The following ANXA10 variants were observed in gnomAD, a reference collection of about 807,000 sequenced individuals.
ANXA10 encodes annexin 14.
ANXA10 carries 49 observed loss-of-function variants against 53.5 expected under a neutral mutation model. The ratio of observed to expected loss-of-function variants is 0.92; its 90% CI spans 0.73 to 1.16. The LOEUF (loss-of-function observed/expected upper bound fraction) is 1.16, where lower values mean the gene tolerates loss of function less well. ANXA10 is among the 50% of genes most tolerant of loss of function. The probability of loss-of-function intolerance (pLI) is 0.00; values close to 1 mark genes in which losing one functional copy is unlikely to be tolerated. For synonymous variants in ANXA10, 131 were observed against 128.9 expected (o/e 1.02, Z -0.11); for missense variants, 393 against 394.4 (o/e 1.00, Z 0.03).
chr4:168,157,360 C>A (rs2149476358), intron 3 of ANXA10, among the ~76,000 whole-genome samples: 1 of 152,158 alleles, frequency 6.6e-6, no homozygotes, highest in South Asian at 2.1e-4. Flanking sequence ...CTCCGCCACC[C>A]AGGTTCCAGT....
intron 3 of ANXA10, among the ~76,000 whole-genome samples, chr4:168,158,418 T>C (rs184057863): frequency 1.4e-3 from 220 of 152,340 alleles, no homozygotes; most frequent in African/African-American, 5.1e-3. Context: ...TTTAAGGTTT[T>C]TATTTCAAAG....
At chr4:168,165,874 A>G (rs113298123) in intron 6 of ANXA10, among the ~76,000 whole-genome samples, 2 of 152,124 alleles carry the variant, frequency 1.3e-5, no homozygotes, top group East Asian at 3.9e-4. Context: ...ATGGGGTTTC[A>G]CCATGTTGGC....
In ANXA10 at chr4:168,179,221, C is replaced by G. The variant is rs779654853; in HGVS notation, c.633C>G (p.Phe211Leu). Residue 211 changes from phenylalanine (F) to leucine (L), a missense_variant, in exon 9 of 12, where the codon TTC becomes TTG. Coordinates refer to ENST00000359299, the MANE Select transcript of ANXA10 (RefSeq NM_007193.5). ...AATTACATCAATTTGTTAAAGTTTT[C>G]CAGGAATTTCAAAATATTTCTGGGC... ...NKSYQQLRLV[F>L]QEFQNISGQD... 6 of 1,598,696 alleles carry G rather than the reference C, an allele frequency of 3.8e-6. No individual in the cohort carries two copies. Among genetic ancestry groups the G allele is most frequent in the Non-Finnish European group, 4.3e-6 (5 of 1,169,330 alleles).
rs562902943 is a variant in ANXA10, at chr4:168,144,250, G to A, written c.195+4670G>A. 5.1e-4 allele frequency among the ~76,000 whole-genome samples: 78 copies of A among 151,982 alleles called. No homozygotes were observed. The South Asian group carries it at 0.013, about 25-fold the overall frequency. On this transcript the variant is annotated intron_variant, in intron 3 of 11. Coordinates refer to ENST00000359299, the MANE Select transcript of ANXA10 (RefSeq NM_007193.5). ...CACCCAGGCTGGAGTGCACTGCCGC[G>A]CTCTCAGCTCACTGCAACCTCCACC...
At chr4:168,098,107 C>T (rs1730581303) in intron 1 of ANXA10, among the ~76,000 whole-genome samples, 1 of 150,524 alleles carries the variant, frequency 6.6e-6, no homozygotes, top group Non-Finnish European at 1.5e-5. Flanking sequence ...AAATCTAAGG[C>T]ACTCTTGAAA....
rs1415857024 is a variant in ANXA10, at chr4:168,147,433, A to G, written c.195+7853A>G. Among the ~76,000 whole-genome samples, 8 of 152,162 alleles carry G rather than the reference A, an allele frequency of 5.3e-5. 1 individual carries two copies. The highest frequency in any genetic ancestry group is 3.9e-4 in the Admixed American group (6 of 15,276). On this transcript the variant is annotated intron_variant, in intron 3 of 11. Transcript: ENST00000359299. ...CTGCTTTCCCTTGCCAGAGGCTCCA[A>G]TCAGCAAACCATCTATCATAGAAAC... is the stretch of plus-strand genomic sequence containing the variant.
intron 1 of ANXA10, among the ~76,000 whole-genome samples, chr4:168,102,435 T>TTG (rs1440246048): frequency 2.0e-5 from 3 of 152,096 alleles, no homozygotes; most frequent in African/African-American, 7.2e-5. Context: ...CTGGCAAATA[T>TTG]TGCACTGTTT....
At chr4:168,120,634 G>T (rs1730970113) in intron 1 of ANXA10, among the ~76,000 whole-genome samples, 1 of 152,062 alleles carries the variant, frequency 6.6e-6, no homozygotes, top group Non-Finnish European at 1.5e-5. Context: ...ACAGGGAGAA[G>T]AGGGAAATTA....
At chr4:168,181,962 TG>T (rs1732257326) in intron 10 of ANXA10, among the ~76,000 whole-genome samples, 1 of 152,230 alleles carries the variant, frequency 6.6e-6, no homozygotes, top group African/African-American at 2.4e-5. Context: ...GAACCATATT[TG>T]GGGTGTATCT....
At chr4:168,132,122 C>T (rs890985139) in intron 2 of ANXA10, among the ~76,000 whole-genome samples, 3 of 152,038 alleles carry the variant, frequency 2.0e-5, no homozygotes, top group African/African-American at 7.2e-5. Context: ...AAATCCACTG[C>T]TGGGTATATA....
chr4:168,119,291 G>T (rs1730948334), intron 1 of ANXA10, among the ~76,000 whole-genome samples: 1 of 152,138 alleles, frequency 6.6e-6, no homozygotes, highest in African/African-American at 2.4e-5. Flanking sequence ...AGAGGAGTCA[G>T]AAAAATGTAC....
chr4:168,114,511 T>G (rs1730859844), intron 1 of ANXA10, among the ~76,000 whole-genome samples: 1 of 152,240 alleles, frequency 6.6e-6, no homozygotes, highest in Admixed American at 6.5e-5. Context: ...CCCTCTTGTT[T>G]TTTTAGCAAT....
chr4:168,147,587 T>C (rs1260599437), intron 3 of ANXA10, among the ~76,000 whole-genome samples: 1 of 152,168 alleles, frequency 6.6e-6, no homozygotes, highest in Non-Finnish European at 1.5e-5. Flanking sequence ...CAAATAAACA[T>C]GAATACCAAG....
chr4:168,150,436 A>G (rs1256361458), intron 3 of ANXA10, among the ~76,000 whole-genome samples: 2 of 152,230 alleles, frequency 1.3e-5, no homozygotes, highest in Non-Finnish European at 2.9e-5. Context: ...AACAAGGTTC[A>G]TAAATTTGGA....
At position 168,184,569 on chromosome 4, in the gene ANXA10, T is replaced by C; in HGVS notation, c.794T>C (p.Phe265Ser). Residue 265 changes from phenylalanine (F) to serine (S), a missense_variant, in exon 11 of 12, where the codon TTC becomes TCC. Transcript: ENST00000359299. The part of the protein sequence containing the change: ...RLYSAIHDFG[F>S]HNKTVIRILI... ...TTCTGTATCTTTTAGGACTTTGGTT[T>C]CCATAATAAAACTGTAATCAGGATT... is the stretch of plus-strand genomic sequence containing the variant. 6.2e-7 allele frequency: 1 copy of C among 1,613,950 alleles called. No individual in the cohort carries two copies. The highest frequency in any genetic ancestry group is 8.5e-7 in the Non-Finnish European group (1 of 1,179,920).
chr4:168,125,564 C>T (rs529235226), intron 1 of ANXA10, among the ~76,000 whole-genome samples: 3 of 152,072 alleles, frequency 2.0e-5, no homozygotes, highest in Non-Finnish European at 4.4e-5. Context: ...TTTGTGAATC[C>T]TGGCCACCTA....
At chr4:168,178,552 A>C (rs1333655752) in intron 8 of ANXA10, among the ~76,000 whole-genome samples, 1 of 152,160 alleles carries the variant, frequency 6.6e-6, no homozygotes, top group African/African-American at 2.4e-5. Context: ...TCCCACATCT[A>C]GACTTTACAA....
At chr4:168,139,751 A>G (rs995338989) in intron 3 of ANXA10, among the ~76,000 whole-genome samples, 171 bp downstream of exon 3, 1 of 152,186 alleles carries the variant, frequency 6.6e-6, no homozygotes, top group Non-Finnish European at 1.5e-5. Flanking sequence ...AATAAAATCT[A>G]TATTATGAAA....
At chr4:168,167,231 T>G (rs1190342418) in intron 6 of ANXA10, among the ~76,000 whole-genome samples, 1 of 152,128 alleles carries the variant, frequency 6.6e-6, no homozygotes, top group African/African-American at 2.4e-5. Context: ...AGTCCCTGAA[T>G]TTTTATGGTC....
Sources: gnomAD v4.1 joint callset for allele counts (sites outside exome capture counted in the v4.1 genomes callset) on GRCh38, gnomAD v4.1.1 for gene constraint, MANE v1.5 for transcripts, NCBI Gene and HGNC (gene_info 2026-07-23, HGNC 2026-07-21) for gene names.